Variants in MAU2 observed in about 807,000 individuals in gnomAD.
MAU2 encodes the protein MAU2 sister chromatid cohesion factor, also known as MAU2 chromatid cohesion factor homolog.
A neutral mutation model predicts 89.1 loss-of-function variants in MAU2; 9 were observed. The ratio of observed to expected loss-of-function variants is 0.10; its 90% CI spans 0.06 to 0.18. The LOEUF (loss-of-function observed/expected upper bound fraction) is 0.18, where lower values mean the gene tolerates loss of function less well. Ranked by LOEUF, MAU2 falls within the 10% of genes least tolerant of loss-of-function variation. MAU2 has a pLI of 1.00. For synonymous variants in MAU2, 357 were observed against 343.4 expected (o/e 1.04, Z -0.44); for missense variants, 425 against 803.5 (o/e 0.53, Z 5.69).
chr19:19,329,062 G>A (rs1402582753), intron 1 of MAU2: 1 of 456,028 alleles, frequency 2.2e-6, no homozygotes, highest in Non-Finnish European at 4.4e-6. Flanking sequence ...TTTAGCCTGA[G>A]CATCTATGGT....
intron 17 of MAU2, 176 bp from the exon 18 acceptor site, chr19:19,355,088 G>T: frequency 1.3e-6 from 1 of 769,686 alleles, no homozygotes; most frequent in Non-Finnish European, 2.0e-6. Context: ...CTATGAGGGC[G>T]GCTGGCGCAT....
chr19:19,350,682 C>T (rs1182273448), intron 16 of MAU2, among the ~76,000 whole-genome samples: 4 of 151,438 alleles, frequency 2.6e-5, no homozygotes, highest in Non-Finnish European at 5.9e-5. Context: ...GGGCAGATCA[C>T]AAGGTCAGGA....
chr19:19,327,921 G>A (rs1052062280), intron 1 of MAU2, among the ~76,000 whole-genome samples: 2 of 152,002 alleles, frequency 1.3e-5, no homozygotes, highest in African/African-American at 4.8e-5. Context: ...ATGACTATAA[G>A]CATTGTCACT....
chr19:19,339,080 A>G (rs2061619617), intron 5 of MAU2, 141 bp downstream of exon 5: 1 of 645,966 alleles, frequency 1.5e-6, no homozygotes. Context: ...TGGAAGGCCA[A>G]GGTAGGAGGA....
At chr19:19,350,850 A>G (rs1222944269) in intron 16 of MAU2, among the ~76,000 whole-genome samples, 1 of 150,630 alleles carries the variant, frequency 6.6e-6, no homozygotes, top group Non-Finnish European at 1.5e-5. Context: ...CAGTGAGCCG[A>G]GATCCCACCA....
At chr19:19,355,521 G>C (rs2048167731) in intron 18 of MAU2, 130 bp downstream of exon 18, 4 of 1,390,266 alleles carry the variant, frequency 2.9e-6, no homozygotes, top group Admixed American at 2.1e-5. Context: ...ATCCCTTGAT[G>C]GGGGAGATGG....
chr19:19,348,789 C>T (rs879227971), intron 13 of MAU2, 100 bp from the exon 14 acceptor site: 44 of 1,321,710 alleles, frequency 3.3e-5, no homozygotes, highest in East Asian at 4.6e-5. Flanking sequence ...GCCACAGTCC[C>T]GACGGGGGTG....
intron 4 of MAU2, among the ~76,000 whole-genome samples, chr19:19,337,956 C>G (rs1180883954): frequency 2.0e-5 from 3 of 152,214 alleles, no homozygotes; most frequent in Non-Finnish European, 4.4e-5. Flanking sequence ...CTGTCCTGGG[C>G]TCCACCCATA....
intron 1 of MAU2, among the ~76,000 whole-genome samples, chr19:19,330,517 C>T (rs1024311142): frequency 3.9e-5 from 6 of 151,990 alleles, no homozygotes; most frequent in African/African-American, 1.4e-4. Context: ...AAGGCGGGTG[C>T]ATCACCTGAG....
intron 1 of MAU2, chr19:19,321,445 G>T (rs576323444): frequency 6.2e-4 from 200 of 324,412 alleles, no homozygotes; most frequent in Admixed American, 3.2e-3. Flanking sequence ...TGGTTTTCAG[G>T]AGGATCCCAC....
At chr19:19,333,993 G>A (rs1037575092) in intron 1 of MAU2, among the ~76,000 whole-genome samples, 1 of 152,140 alleles carries the variant, frequency 6.6e-6, no homozygotes. Context: ...GCTCTAGTAC[G>A]GCTCCTCTGT....
At chr19:19,342,712 TG>T in intron 8 of MAU2, 31 bp downstream of exon 8, 1 of 1,613,090 alleles carries the variant, frequency 6.2e-7, no homozygotes, top group South Asian at 1.1e-5. Context: ...GGGCCAGGGC[TG>T]GGGGCGGGGG....
chr19:19,343,045 G>C (rs1441561323), intron 9 of MAU2, among the ~76,000 whole-genome samples, 179 bp downstream of exon 9: 1 of 152,222 alleles, frequency 6.6e-6, no homozygotes, highest in African/African-American at 2.4e-5. Context: ...GAGCAGAGCA[G>C]ACAGGCCTGG....
In MAU2 at chr19:19,320,877, G is replaced by C. The variant is rs766232444; in HGVS notation, c.18G>C (p.Ala6=). MAAQA[A]AAAQAAAAQA... ...AGGCCAAAATGGCGGCTCAGGCGGC[G>C]GCAGCGGCCCAGGCGGCGGCGGCCC... Residue 6 remains alanine (A), a synonymous_variant, in exon 1 of 19, where the codon GCG becomes GCC. Transcript: ENST00000262815. 1 of 1,511,508 alleles carries C rather than the reference G, an allele frequency of 6.6e-7. No homozygotes were observed. Among genetic ancestry groups the C allele is most frequent in the Non-Finnish European group, 8.8e-7 (1 of 1,131,804 alleles). 93.6% of individuals were successfully genotyped at this position (1,511,508 alleles called of 1,614,324 possible). A position where few individuals can be genotyped will look rare whatever the true frequency, so the allele number is the denominator to read the frequency against.
chr19:19,339,971 A>G (rs551098101), intron 5 of MAU2, among the ~76,000 whole-genome samples: 1 of 151,740 alleles, frequency 6.6e-6, no homozygotes, highest in African/African-American at 2.4e-5. Context: ...GATCAAGACC[A>G]TCCTGTGAAT....
chr19:19,348,857 A>G, intron 13 of MAU2, 32 bp from the exon 14 acceptor site: 1 of 1,612,906 alleles, frequency 6.2e-7, no homozygotes, highest in Non-Finnish European at 8.5e-7. Context: ...GTGAAGATGC[A>G]GAATGGTGCT....
Position 19,347,382 on chromosome 19 carries a change from C to A in MAU2, c.1308+16C>A. ...CCAAGAGGTAGTAGGTGACATGCTT[C>A]ATGTTCGGTATCCTTTCTCTCTGTT... On this transcript the variant is annotated intron_variant, in intron 13 of 18. Transcript: ENST00000262815. The A allele has an allele frequency of 6.3e-7, 1 of 1,584,284 alleles. No homozygotes were observed. Among genetic ancestry groups the A allele is most frequent in the Non-Finnish European group, 8.7e-7 (1 of 1,153,134 alleles).
intron 1 of MAU2, among the ~76,000 whole-genome samples, chr19:19,328,002 T>A (rs1406323887): frequency 1.3e-5 from 2 of 151,870 alleles, no homozygotes; most frequent in Admixed American, 1.3e-4. Context: ...CTACAAAAAA[T>A]TTGAAAATTA....
rs1289890668 is a variant in MAU2 at position 19,323,413 on chromosome 19, C to T, written c.276+2278C>T. Among the ~76,000 whole-genome samples the T allele has an allele frequency of 4.6e-5, 7 of 152,178 alleles. No homozygotes were observed. The South Asian group carries it at 8.3e-4, about 18-fold the overall frequency. Reference sequence around the variant, plus strand: ...TTTCACCATTTGGTCAGGCTGGTTTCGAACTCCTGACCTCAAGTGATCCGC... The same window carrying T: ...TTTCACCATTTGGTCAGGCTGGTTTTGAACTCCTGACCTCAAGTGATCCGC... On this transcript the variant is annotated intron_variant, in intron 1 of 18. Coordinates refer to ENST00000262815, the MANE Select transcript of MAU2 (RefSeq NM_015329.4).
Sources: gnomAD v4.1 joint callset for allele counts (sites outside exome capture counted in the v4.1 genomes callset) on GRCh38, gnomAD v4.1.1 for gene constraint, MANE v1.5 for transcripts, NCBI Gene and HGNC (gene_info 2026-07-23, HGNC 2026-07-21) for gene names.